The following MORC2 variants were observed in gnomAD, a reference collection of about 807,000 sequenced individuals.
MORC2 encodes the protein ATPase MORC2.
Under a neutral mutation model 136.0 loss-of-function variants are expected in MORC2, and 30 were observed. The observed-to-expected ratio is 0.22, with a 90% CI of 0.17 to 0.30. The LOEUF is 0.30. Ranked by LOEUF, MORC2 falls within the 10% of genes least tolerant of loss-of-function variation. The pLI is 1.00. For missense variants in MORC2, 922 were observed against 1,333.1 expected, an observed-to-expected ratio of 0.69 and a Z score of 4.80; for synonymous variants, 439 against 487.0, an observed-to-expected ratio of 0.90 and a Z score of 1.30.
chr22:30,942,595 T>C (rs537618543), intron 6 of MORC2, among the ~76,000 whole-genome samples: 2 of 152,326 alleles, frequency 1.3e-5, no homozygotes, highest in East Asian at 3.9e-4. Context: ...AAAATATATT[T>C]GCAATTATCT....
At chr22:30,942,316 C>G (rs370225863) in intron 6 of MORC2, 45 bp from the exon 7 acceptor site, 11 of 1,569,282 alleles carry the variant, frequency 7.0e-6, no homozygotes, top group Non-Finnish European at 9.5e-6. Context: ...AGCCCCAGAA[C>G]AGCCTTCCTC....
At chr22:30,949,897 C>T (rs1414213079) in intron 4 of MORC2, 55 bp from the exon 5 acceptor site, 1 of 1,536,890 alleles carries the variant, frequency 6.5e-7, no homozygotes, top group Admixed American at 1.7e-5. Flanking sequence ...TCCCAGGGTC[C>T]TCAAAGTCAA....
Position 30,933,534 on chromosome 22 carries a change from A to T in MORC2, c.2326-14T>A. 3 of 1,613,116 alleles carry T rather than the reference A, an allele frequency of 1.9e-6. No individual in the cohort carries two copies. The highest frequency in any genetic ancestry group is 2.5e-6 in the Non-Finnish European group (3 of 1,179,746). The stretch of plus-strand genomic sequence containing the variant: ...ACTGTCTGAGAGCTGCGTGGAGAGC[A>T]GTCTATTAGAGGCATCCCCAGTGCC... On this transcript the variant is annotated splice_polypyrimidine_tract_variant and intron_variant, in intron 20 of 25. Coordinates refer to ENST00000397641, the MANE Select transcript of MORC2 (RefSeq NM_001303256.3).
intron 3 of MORC2, among the ~76,000 whole-genome samples, chr22:30,953,712 C>A (rs2240180): frequency 6.6e-6 from 1 of 151,942 alleles, no homozygotes; most frequent in African/African-American, 2.4e-5. Context: ...CTACCTACCC[C>A]AGAAGGTCAA....
intron 3 of MORC2, among the ~76,000 whole-genome samples, chr22:30,954,691 C>T (rs567291713): frequency 6.6e-6 from 1 of 152,140 alleles, no homozygotes; most frequent in Admixed American, 6.5e-5. Context: ...ACTAAACTTC[C>T]TTGCTGAAAT....
chr22:30,943,897 G>C (rs915526185), intron 6 of MORC2, among the ~76,000 whole-genome samples: 5 of 152,264 alleles, frequency 3.3e-5, no homozygotes, highest in African/African-American at 1.2e-4. Flanking sequence ...AGCCTCTCAA[G>C]TAGCTGGGAC....
Position 30,926,651 on chromosome 22 carries a change from C to A in MORC2, c.*152G>T. The A allele has an allele frequency of 1.6e-5, 4 of 246,270 alleles. No individual in the cohort carries two copies. The highest frequency in any genetic ancestry group is 2.5e-5 in the African/African-American group (1 of 39,372). The allele number at this position is 246,270 out of a possible 1,614,324, so 15.3% of individuals were successfully genotyped here. ...AATATTTATAAACTTAAGGAAGATTCAAAGAATCAGGGTATCTTTTCCTCC... is the reference window on the plus strand; with the variant it reads ...AATATTTATAAACTTAAGGAAGATTAAAAGAATCAGGGTATCTTTTCCTCC... On this transcript the variant is annotated 3_prime_UTR_variant, in exon 26 of 26. Coordinates refer to ENST00000397641, the MANE Select transcript of MORC2 (RefSeq NM_001303256.3).
intron 3 of MORC2, among the ~76,000 whole-genome samples, chr22:30,954,164 G>A (rs751355027): frequency 6.6e-6 from 1 of 152,114 alleles, no homozygotes; most frequent in African/African-American, 2.4e-5. Flanking sequence ...GTATGGTGGT[G>A]TGTGCCTGTA....
chr22:30,940,917 C>T (rs2040734180), intron 9 of MORC2, 80 bp from the exon 10 acceptor site: 1 of 1,168,254 alleles, frequency 8.6e-7, no homozygotes. Flanking sequence ...AGCACCCTGC[C>T]TTCCTGCCTC....
intron 24 of MORC2, among the ~76,000 whole-genome samples, chr22:30,929,629 T>C (rs2040542499): frequency 6.6e-6 from 1 of 152,106 alleles, no homozygotes; most frequent in South Asian, 2.1e-4. Context: ...GTGCCTGTAG[T>C]CCCAGCTACT....
At chr22:30,938,333 G>A (rs1420719832) in intron 12 of MORC2, 128 bp from the exon 13 acceptor site, 2 of 1,049,148 alleles carry the variant, frequency 1.9e-6, no homozygotes, top group African/African-American at 3.2e-5. Context: ...TCTATTTGAT[G>A]TGTAACCTGT....
At chr22:30,953,354 C>T (rs1292099335) in intron 3 of MORC2, among the ~76,000 whole-genome samples, 1 of 152,192 alleles carries the variant, frequency 6.6e-6, no homozygotes, top group East Asian at 1.9e-4. Flanking sequence ...ATCCTGGGAA[C>T]AGCTCTGTAA....
intron 1 of MORC2, among the ~76,000 whole-genome samples, chr22:30,963,584 C>T (rs541069356): frequency 1.8e-4 from 27 of 152,180 alleles, no homozygotes; most frequent in African/African-American, 6.3e-4. Context: ...TGGGGTTTCA[C>T]CGTGTTGGCC....
intron 3 of MORC2, 149 bp from the exon 4 acceptor site, chr22:30,950,594 G>A (rs2040873512): frequency 1.4e-6 from 1 of 704,754 alleles, no homozygotes; most frequent in Admixed American, 2.8e-5. Flanking sequence ...TAAACTTCAG[G>A]GTCCTTGAGG....
intron 11 of MORC2, 83 bp from the exon 12 acceptor site, chr22:30,939,789 C>G: frequency 1.4e-6 from 2 of 1,415,194 alleles, no homozygotes; most frequent in Non-Finnish European, 1.9e-6. Context: ...TAAGACATCT[C>G]AATTTATCTC....
chr22:30,943,548 C>T (rs879292720), intron 6 of MORC2, among the ~76,000 whole-genome samples: 34 of 152,328 alleles, frequency 2.2e-4, no homozygotes, highest in Middle Eastern at 3.4e-3. Flanking sequence ...AGAGGCTCCT[C>T]CCTCGGTGGT....
At chr22:30,935,599 A>G (rs1267737487) in intron 17 of MORC2, among the ~76,000 whole-genome samples, 1 of 152,166 alleles carries the variant, frequency 6.6e-6, no homozygotes, top group African/African-American at 2.4e-5. Context: ...AAAGGTAGAA[A>G]GGGCCCGAAG....
intron 1 of MORC2, among the ~76,000 whole-genome samples, chr22:30,959,368 G>A (rs2285918): frequency 0.55 from 83,886 of 152,014 alleles, 23,542 homozygotes; most frequent in East Asian, 0.75. Flanking sequence ...TTTAATGGAG[G>A]GAAAGTTCTG....
chr22:30,949,299 G>A (rs1031623664), intron 5 of MORC2, among the ~76,000 whole-genome samples: 2 of 152,128 alleles, frequency 1.3e-5, no homozygotes, highest in African/African-American at 4.8e-5. Context: ...CTGGGACGGA[G>A]GGCTCACATC....
Sources: allele counts gnomAD v4.1 joint callset (sites outside exome capture counted in the v4.1 genomes callset), GRCh38; gene constraint gnomAD v4.1.1; transcripts MANE v1.5; gene names NCBI Gene and HGNC (gene_info 2026-07-23, HGNC 2026-07-21).